The following RIT2 variants were observed in gnomAD, a reference collection of about 807,000 sequenced individuals.
RIT2 encodes Ras like without CAAX 2, also known as GTP-binding protein Rit2.
In RIT2, 24 loss-of-function variants were observed where a neutral mutation model predicts 23.7. The ratio of observed to expected loss-of-function variants is 1.01; its 90% CI spans 0.73 to 1.43. The LOEUF (loss-of-function observed/expected upper bound fraction) is 1.43. RIT2 is among the 40% of genes most tolerant of loss of function. The probability of loss-of-function intolerance (pLI) is 0.00; values close to 1 mark genes in which losing one functional copy is unlikely to be tolerated. For synonymous variants in RIT2, 107 were observed against 91.1 expected (o/e 1.17, Z -0.99); for missense variants, 236 against 266.9 (o/e 0.88, Z 0.81).
chr18:42,876,030 G>T, intron 4 of RIT2, among the ~76,000 whole-genome samples: 1 of 151,770 alleles, frequency 6.6e-6, no homozygotes, highest in Admixed American at 6.6e-5. Flanking sequence ...TTTATGGAAG[G>T]GTAGGATTTG....
At chr18:43,108,858 C>T (rs1913889184) in intron 1 of RIT2, among the ~76,000 whole-genome samples, 1 of 152,178 alleles carries the variant, frequency 6.6e-6, no homozygotes, top group African/African-American at 2.4e-5. Context: ...GCCCTGGAAT[C>T]TTAAAATCTT....
chr18:42,973,817 AT>A (rs1910417248), intron 3 of RIT2, among the ~76,000 whole-genome samples: 1 of 151,760 alleles, frequency 6.6e-6, no homozygotes, highest in Non-Finnish European at 1.5e-5. Context: ...AGGAAAAAAA[AT>A]AAAGTATTTT....
chr18:42,863,774 A>G (rs913086200), intron 4 of RIT2, among the ~76,000 whole-genome samples: 2 of 152,172 alleles, frequency 1.3e-5, no homozygotes, highest in African/African-American at 2.4e-5. Flanking sequence ...GAATATGGCT[A>G]CAGAACACCT....
intron 3 of RIT2, among the ~76,000 whole-genome samples, chr18:42,924,126 T>C (rs1909124433): frequency 6.6e-6 from 1 of 152,090 alleles, no homozygotes; most frequent in Admixed American, 6.6e-5. Context: ...AATTTTCTTT[T>C]CTAGAAACAT....
chr18:42,853,159 G>A (rs541869493), intron 4 of RIT2, among the ~76,000 whole-genome samples: 5 of 152,154 alleles, frequency 3.3e-5, no homozygotes, highest in African/African-American at 1.2e-4. Flanking sequence ...GTAATGACTT[G>A]AAATAAATTT....
At chr18:42,816,623 C>G (rs1185340349) in intron 4 of RIT2, among the ~76,000 whole-genome samples, 1 of 152,022 alleles carries the variant, frequency 6.6e-6, no homozygotes, top group Non-Finnish European at 1.5e-5. Flanking sequence ...TCTTCCTATT[C>G]AAAAATATAT....
chr18:43,105,852 T>C (rs1226561195), intron 1 of RIT2, among the ~76,000 whole-genome samples: 1 of 152,238 alleles, frequency 6.6e-6, no homozygotes, highest in Non-Finnish European at 1.5e-5. Flanking sequence ...ATGGATTTCC[T>C]GGGTTACCCA....
intron 1 of RIT2, among the ~76,000 whole-genome samples, chr18:43,098,965 C>A (rs530748089): frequency 9.5e-4 from 144 of 152,088 alleles, no homozygotes; most frequent in African/African-American, 3.3e-3. Flanking sequence ...CAACATCTGG[C>A]CTATGCTCCT....
intron 1 of RIT2, among the ~76,000 whole-genome samples, chr18:43,059,314 A>G (rs1912585598): frequency 6.6e-6 from 1 of 152,140 alleles, no homozygotes; most frequent in Non-Finnish European, 1.5e-5. Flanking sequence ...ACTTTAAATA[A>G]TTACCTACGG....
At chr18:42,937,830 A>T (rs769500380) in intron 3 of RIT2, among the ~76,000 whole-genome samples, 1 of 152,212 alleles carries the variant, frequency 6.6e-6, no homozygotes. Context: ...AACTCAGAAA[A>T]TAGTAATTGT....
chr18:42,924,516 A>T (rs1388530765), intron 3 of RIT2, among the ~76,000 whole-genome samples: 1 of 151,978 alleles, frequency 6.6e-6, no homozygotes, highest in Non-Finnish European at 1.5e-5. Context: ...ACTTCTTTTA[A>T]GTCTAAAATA....
intron 4 of RIT2, among the ~76,000 whole-genome samples, chr18:42,916,820 A>G (rs978844450): frequency 2.0e-5 from 3 of 152,086 alleles, no homozygotes; most frequent in Non-Finnish European, 4.4e-5. Context: ...ACACTGAGAC[A>G]GAGTCTGAAG....
At chr18:43,019,964 A>G (rs746564731) in intron 2 of RIT2, among the ~76,000 whole-genome samples, 1 of 151,986 alleles carries the variant, frequency 6.6e-6, no homozygotes, top group Non-Finnish European at 1.5e-5. Flanking sequence ...AACTCCTAGG[A>G]TTTAATTTAA....
chr18:43,054,894 A>G (rs1912463655), intron 1 of RIT2, among the ~76,000 whole-genome samples: 1 of 152,090 alleles, frequency 6.6e-6, no homozygotes. Flanking sequence ...TGACATGCAG[A>G]GATGCCCTCA....
At chr18:42,849,316 G>A (rs948816624) in intron 4 of RIT2, among the ~76,000 whole-genome samples, 2 of 152,150 alleles carry the variant, frequency 1.3e-5, no homozygotes, top group East Asian at 1.9e-4. Flanking sequence ...CATGTTGTGC[G>A]CCAATAGGAA....
chr18:42,815,939 A>G (rs554865787), intron 4 of RIT2, among the ~76,000 whole-genome samples: 4 of 152,292 alleles, frequency 2.6e-5, no homozygotes, highest in Admixed American at 2.6e-4. Context: ...ATACATGTTG[A>G]AAACGTCATT....
intron 4 of RIT2, among the ~76,000 whole-genome samples, chr18:42,898,521 T>C (rs1908391698): frequency 6.6e-6 from 1 of 152,198 alleles, no homozygotes; most frequent in South Asian, 2.1e-4. Context: ...ATGACATTAT[T>C]ACTGTAACAA....
intron 3 of RIT2, among the ~76,000 whole-genome samples, chr18:42,969,019 T>C (rs1236910810): frequency 1.3e-5 from 2 of 152,182 alleles, no homozygotes; most frequent in South Asian, 2.1e-4. Context: ...TTGATTTTGA[T>C]GTTACAAAGC....
At chr18:43,099,581 C>T (rs1042254506) in intron 1 of RIT2, among the ~76,000 whole-genome samples, 3 of 151,996 alleles carry the variant, frequency 2.0e-5, no homozygotes, top group Admixed American at 1.3e-4. Context: ...TCATATTTCC[C>T]CTACAGCATA....
Sources: gnomAD v4.1 joint callset for allele counts (sites outside exome capture counted in the v4.1 genomes callset) on GRCh38, gnomAD v4.1.1 for gene constraint, MANE v1.5 for transcripts, NCBI Gene and HGNC (gene_info 2026-07-23, HGNC 2026-07-21) for gene names.